Variants in PAN3 observed in about 807,000 individuals in gnomAD.
PAN3 encodes the protein PAN2-PAN3 deadenylation complex subunit PAN3.
In PAN3, 19 loss-of-function variants were observed where a neutral mutation model predicts 96.2. The ratio of observed to expected loss-of-function variants is 0.20; its 90% CI spans 0.14 to 0.29. PAN3 has a LOEUF of 0.29. PAN3 is among the 10% of genes least tolerant of loss of function. The probability of loss-of-function intolerance (pLI) is 1.00; values close to 1 mark genes in which losing one functional copy is unlikely to be tolerated. For synonymous variants in PAN3, 433 were observed against 406.6 expected (o/e 1.06, Z -0.78); for missense variants, 882 against 1,108.1 (o/e 0.80, Z 2.90).
intron 1 of PAN3, among the ~76,000 whole-genome samples, chr13:28,157,388 A>C (rs956377358): frequency 2.0e-5 from 3 of 152,196 alleles, no homozygotes; most frequent in Non-Finnish European, 4.4e-5. Context: ...GAAAGAAATA[A>C]AAGGTATCCA....
At chr13:28,142,530 T>C (rs1210061788) in intron 1 of PAN3, among the ~76,000 whole-genome samples, 1 of 145,546 alleles carries the variant, frequency 6.9e-6, no homozygotes, top group African/African-American at 2.6e-5. Context: ...TTTTTTTTTT[T>C]GAGACAGGGA....
chr13:28,235,680 TATACACACACACAC>T (rs1299164663), intron 6 of PAN3, among the ~76,000 whole-genome samples: 15 of 109,644 alleles, frequency 1.4e-4, no homozygotes, highest in Admixed American at 1.2e-3. Context: ...CTTTCTCTAA[TATACACACACACAC>T]ATACACACAC....
At chr13:28,139,936 GTGTTGTTGTTGT>G (rs568234142) in intron 1 of PAN3, among the ~76,000 whole-genome samples, 2,526 of 151,750 alleles carry the variant, frequency 0.017, 26 homozygotes, top group Non-Finnish European at 0.019. Flanking sequence ...TCTTTTTCAT[GTGTTGTTGTTGT>G]TGTTGTTGTT....
chr13:28,279,639 A>G (rs1887307014), intron 15 of PAN3, among the ~76,000 whole-genome samples: 1 of 151,466 alleles, frequency 6.6e-6, no homozygotes, highest in Non-Finnish European at 1.5e-5. Context: ...GCACGCCTGT[A>G]GTCCCAGTTA....
intron 6 of PAN3, among the ~76,000 whole-genome samples, chr13:28,229,815 G>A (rs45621343): frequency 0.024 from 3,728 of 152,196 alleles, 140 homozygotes; most frequent in African/African-American, 0.085. Flanking sequence ...CAGCATTTGC[G>A]TGGTTCCATC....
intron 12 of PAN3, among the ~76,000 whole-genome samples, chr13:28,269,910 CAAAAGGTT>C (rs1031753158): frequency 3.1e-4 from 47 of 152,024 alleles, no homozygotes; most frequent in Non-Finnish European, 7.4e-5. Flanking sequence ...AACTGATTCA[CAAAAGGTT>C]GTTTTACAAC....
chr13:28,219,824 G>A (rs961737361), intron 5 of PAN3, among the ~76,000 whole-genome samples: 10 of 152,224 alleles, frequency 6.6e-5, no homozygotes, highest in South Asian at 4.1e-4. Context: ...AAAAAAGAAA[G>A]TGATTAATTT....
intron 10 of PAN3, 107 bp downstream of exon 10, chr13:28,266,983 G>A: frequency 7.8e-7 from 1 of 1,274,994 alleles, no homozygotes; most frequent in Non-Finnish European, 1.0e-6. Context: ...TTTTTATTTG[G>A]AAATTAGTAC....
At position 28,184,013 on chromosome 13, in the gene PAN3, A is replaced by G. The variant is rs45497602; in HGVS notation, c.690+6078A>G. On this transcript the variant is annotated intron_variant, in intron 4 of 18. Transcript: ENST00000380958. ...GCTGTACTAAAATTGTCCTCTGGAA[A>G]CGTGGTTCTGTAGCTGCTCTGAGGA... 8.7e-3 allele frequency among the ~76,000 whole-genome samples: 1,318 copies of G among 152,202 alleles called. 25 individuals carry two copies. Among genetic ancestry groups the G allele is most frequent in the African/African-American group, 0.03 (1,247 of 41,548 alleles).
intron 6 of PAN3, among the ~76,000 whole-genome samples, chr13:28,230,783 G>T (rs1882462114): frequency 8.2e-6 from 1 of 121,672 alleles, no homozygotes; most frequent in Non-Finnish European, 1.6e-5. Context: ...AGACACTCTT[G>T]TCTTTAAGTT....
At chr13:28,161,284 C>T (rs941969128) in intron 1 of PAN3, among the ~76,000 whole-genome samples, 1 of 152,144 alleles carries the variant, frequency 6.6e-6, no homozygotes, top group African/African-American at 2.4e-5. Context: ...GGATTGCCTT[C>T]TTCTGAGGGC....
chr13:28,284,792 T>C (rs150669467), intron 17 of PAN3, among the ~76,000 whole-genome samples: 414 of 152,320 alleles, frequency 2.7e-3, no homozygotes, highest in Non-Finnish European at 4.9e-3. Flanking sequence ...CTCCATTTCA[T>C]TGGGCACCAC....
intron 5 of PAN3, among the ~76,000 whole-genome samples, chr13:28,202,373 T>G (rs1566182754): frequency 6.6e-6 from 1 of 152,214 alleles, no homozygotes; most frequent in Non-Finnish European, 1.5e-5. Flanking sequence ...GTGAGATTGT[T>G]TATTCCTTAC....
At chr13:28,181,164 C>T (rs576975362) in intron 4 of PAN3, among the ~76,000 whole-genome samples, 3 of 152,220 alleles carry the variant, frequency 2.0e-5, no homozygotes, top group East Asian at 1.9e-4. Flanking sequence ...CTAAGAAATA[C>T]GGCTGAGGCC....
chr13:28,194,466 A>ATATTT (rs1429166016), intron 4 of PAN3, among the ~76,000 whole-genome samples: 14 of 122,110 alleles, frequency 1.1e-4, no homozygotes, highest in African/African-American at 2.5e-4. Flanking sequence ...ATATATATAT[A>ATATTT]TTTTTTTTTT....
At chr13:28,154,864 A>C (rs1157709741) in intron 1 of PAN3, among the ~76,000 whole-genome samples, 1 of 141,036 alleles carries the variant, frequency 7.1e-6, no homozygotes, top group Non-Finnish European at 1.5e-5. Flanking sequence ...TCTGTCATCC[A>C]GGCTGTAGTG....
At chr13:28,169,908 G>A (rs931908655) in intron 1 of PAN3, among the ~76,000 whole-genome samples, 8 of 151,896 alleles carry the variant, frequency 5.3e-5, no homozygotes, top group East Asian at 1.9e-4. Flanking sequence ...TTAGCTGGGC[G>A]TGGTGACGGG....
At chr13:28,206,750 T>G (rs79825665) in intron 5 of PAN3, among the ~76,000 whole-genome samples, 1 of 151,960 alleles carries the variant, frequency 6.6e-6, no homozygotes, top group Non-Finnish European at 1.5e-5. Context: ...TTTTTTTTTT[T>G]GTAAGACTTC....
intron 6 of PAN3, among the ~76,000 whole-genome samples, chr13:28,240,311 C>T (rs2138496925): frequency 6.6e-6 from 1 of 152,164 alleles, no homozygotes; most frequent in Middle Eastern, 3.4e-3. Flanking sequence ...AAGCTTCATA[C>T]CCTAATTTTC....
Sources: allele counts gnomAD v4.1 joint callset (sites outside exome capture counted in the v4.1 genomes callset), GRCh38; gene constraint gnomAD v4.1.1; transcripts MANE v1.5; gene names NCBI Gene and HGNC (gene_info 2026-07-23, HGNC 2026-07-21).